The following DMD variants were observed in gnomAD, a reference collection of about 807,000 sequenced individuals.
DMD encodes the protein dystrophin, also known as mutant dystrophin.
A neutral mutation model predicts 330.1 loss-of-function variants in DMD; 63 were observed. The ratio of observed to expected loss-of-function variants is 0.19; its 90% CI spans 0.16 to 0.24. DMD has a LOEUF of 0.24. DMD is among the 10% of genes least tolerant of loss of function. DMD has a pLI of 1.00. For missense variants in DMD, 3,344 were observed against 2,684.1 expected (o/e 1.25, Z -5.43); for synonymous variants, 1,223 against 959.8 (o/e 1.27, Z -5.07).
intron 55 of DMD, among the ~76,000 whole-genome samples, chrX:31,616,276 A>G (rs2148336087): frequency 8.9e-6 from 1 of 111,945 alleles, no homozygotes; most frequent in East Asian, 2.8e-4. Flanking sequence ...AAAAGGGAAG[A>G]TTCGAAAATG....
At chrX:32,445,469 C>T (rs1484276822) in intron 27 of DMD, among the ~76,000 whole-genome samples, 1 of 110,717 alleles carries the variant, frequency 9.0e-6, no homozygotes, top group Non-Finnish European at 1.9e-5. Flanking sequence ...CTCACTCCTG[C>T]GTCTGTATAA....
chrX:31,645,965 T>G (rs929065867), intron 54 of DMD, among the ~76,000 whole-genome samples: 1 of 111,687 alleles, frequency 9.0e-6, no homozygotes, highest in Non-Finnish European at 1.9e-5. Context: ...GAACTAGTTC[T>G]GCCAAAACCC....
intron 4 of DMD, among the ~76,000 whole-genome samples, chrX:32,827,999 T>C (rs1433994393): frequency 9.0e-6 from 1 of 111,273 alleles, no homozygotes; most frequent in African/African-American, 3.3e-5. Context: ...GATATTTGGT[T>C]TTCTGTTCAT....
At chrX:32,241,245 G>A (rs1384984676) in intron 43 of DMD, among the ~76,000 whole-genome samples, 1 of 112,116 alleles carries the variant, frequency 8.9e-6, no homozygotes, top group South Asian at 3.7e-4. Flanking sequence ...GTAGTTGCAT[G>A]TGCATCGCGT....
At chrX:33,248,338 G>A (rs2052706311) in intron 1 of DMD, among the ~76,000 whole-genome samples, 1 of 112,118 alleles carries the variant, frequency 8.9e-6, no homozygotes, top group Admixed American at 9.5e-5. Flanking sequence ...ACTGCGCCTG[G>A]CCGCGAGAAT....
chrX:31,431,808 T>TTTCTC (rs2064110748), intron 60 of DMD, among the ~76,000 whole-genome samples: 2 of 110,673 alleles, frequency 1.8e-5, no homozygotes, highest in Non-Finnish European at 3.8e-5. Flanking sequence ...TTTCTTTTCT[T>TTTCTC]TCTCTCTCTC....
chrX:31,317,604 C>T (rs755996425), intron 62 of DMD, among the ~76,000 whole-genome samples: 4 of 107,222 alleles, frequency 3.7e-5, no homozygotes, highest in South Asian at 8.7e-4. Context: ...CTCCGCTTCC[C>T]GGGTTTACGC....
chrX:33,217,624 G>A (rs2052081689), intron 1 of DMD, among the ~76,000 whole-genome samples: 2 of 111,123 alleles, frequency 1.8e-5, no homozygotes, highest in Non-Finnish European at 3.8e-5. Context: ...ATTTTACTGT[G>A]ATAAGATTTA....
chrX:32,331,057 C>A (rs764203980), intron 41 of DMD, among the ~76,000 whole-genome samples: 3 of 111,798 alleles, frequency 2.7e-5, no homozygotes, highest in African/African-American at 6.5e-5. Flanking sequence ...TCTTAGGAAA[C>A]CTGCTTGACA....
At chrX:32,936,050 T>G (rs772523171) in intron 2 of DMD, among the ~76,000 whole-genome samples, 4 of 111,541 alleles carry the variant, frequency 3.6e-5, no homozygotes, top group Non-Finnish European at 7.5e-5. Flanking sequence ...GTTCTTAATA[T>G]TTCACACACA....
intron 51 of DMD, among the ~76,000 whole-genome samples, chrX:31,751,726 T>C (rs781283954): frequency 6.2e-5 from 7 of 112,435 alleles, no homozygotes; most frequent in African/African-American, 1.9e-4. Flanking sequence ...AAGAAGCTTG[T>C]ATTAAAATTG....
intron 44 of DMD, among the ~76,000 whole-genome samples, chrX:32,019,186 AC>A (rs759377298): frequency 6.3e-5 from 7 of 110,351 alleles, no homozygotes; most frequent in African/African-American, 1.6e-4. Context: ...GAAAGCACAT[AC>A]AAAATTTTAT....
intron 12 of DMD, among the ~76,000 whole-genome samples, chrX:32,613,674 C>A (rs1268460196): frequency 9.1e-6 from 1 of 110,144 alleles, no homozygotes; most frequent in Admixed American, 9.7e-5. Flanking sequence ...CAAGTAATCC[C>A]TATGAAGTCT....
rs144300188 is a variant in DMD, at chrX:32,697,280, T to A, written c.960+590A>T. Reference sequence around the variant, plus strand: ...TTCCTCATATAGAAAGTACTAAACATTGCCGAGAATATGACCTGGTTTCAG... The same window carrying A: ...TTCCTCATATAGAAAGTACTAAACAATGCCGAGAATATGACCTGGTTTCAG... On this transcript the variant is annotated intron_variant, in intron 9 of 78. Coordinates refer to ENST00000357033, the MANE Select transcript of DMD (RefSeq NM_004006.3). 5.4e-3 allele frequency among the ~76,000 whole-genome samples: 608 copies of A among 111,562 alleles called. 5 individuals carry two copies. Among genetic ancestry groups the A allele is most frequent in the Middle Eastern group, 0.028 (6 of 215 alleles).
chrX:33,230,630 A>G (rs949375291), intron 1 of DMD, among the ~76,000 whole-genome samples: 1 of 110,842 alleles, frequency 9.0e-6, no homozygotes, highest in African/African-American at 3.3e-5. Flanking sequence ...ACCTTTATTG[A>G]CAGGCCTTTT....
At chrX:32,597,562 C>T (rs768822891) in intron 12 of DMD, among the ~76,000 whole-genome samples, 8 of 111,776 alleles carry the variant, frequency 7.2e-5, no homozygotes, top group African/African-American at 2.6e-4. Flanking sequence ...CTCAACTGAA[C>T]CCTAGGATAA....
intron 62 of DMD, among the ~76,000 whole-genome samples, chrX:31,316,877 G>A (rs775691044): frequency 6.3e-5 from 7 of 111,961 alleles, no homozygotes; most frequent in Admixed American, 3.8e-4. Context: ...TCATTCACCA[G>A]CATCCTCAAA....
At chrX:32,012,429 C>A (rs139337332) in intron 44 of DMD, among the ~76,000 whole-genome samples, 1 of 111,745 alleles carries the variant, frequency 8.9e-6, no homozygotes, top group Non-Finnish European at 1.9e-5. Flanking sequence ...TCAGTCACCC[C>A]CTAGGTGTCT....
At chrX:32,668,364 G>A (rs1042834616) in intron 9 of DMD, among the ~76,000 whole-genome samples, 3 of 112,011 alleles carry the variant, frequency 2.7e-5, no homozygotes, top group African/African-American at 9.8e-5. Flanking sequence ...TACCTCAAGT[G>A]TAAGAATGTA....
Sources: gnomAD v4.1 joint callset for allele counts (sites outside exome capture counted in the v4.1 genomes callset) on GRCh38, gnomAD v4.1.1 for gene constraint, MANE v1.5 for transcripts, NCBI Gene and HGNC (gene_info 2026-07-23, HGNC 2026-07-21) for gene names.